The following RAI1 variants were observed in gnomAD, a reference collection of about 807,000 sequenced individuals.
RAI1 encodes the protein retinoic acid-induced protein 1.
A neutral mutation model predicts 123.8 loss-of-function variants in RAI1; 9 were observed. The ratio of observed to expected loss-of-function variants is 0.07; its 90% CI spans 0.04 to 0.13. RAI1 has a LOEUF of 0.13. Ranked by LOEUF, RAI1 falls within the 10% of genes least tolerant of loss-of-function variation. The probability of loss-of-function intolerance (pLI) is 1.00; values close to 1 mark genes in which losing one functional copy is unlikely to be tolerated. For missense variants in RAI1, 2,256 were observed against 2,545.8 expected (o/e 0.89, Z 2.45); for synonymous variants, 1,231 against 1,127.3 (o/e 1.09, Z -1.84).
At chr17:17,731,569 C>G (rs1916273396) in intron 2 of RAI1, among the ~76,000 whole-genome samples, 1 of 152,146 alleles carries the variant, frequency 6.6e-6, no homozygotes, top group Non-Finnish European at 1.5e-5. Flanking sequence ...GGAGCAAAGT[C>G]TCGGCAGTGG....
At chr17:17,688,608 T>G (rs991891802) in intron 1 of RAI1, among the ~76,000 whole-genome samples, 17 of 152,246 alleles carry the variant, frequency 1.1e-4, no homozygotes, top group African/African-American at 4.1e-4. Context: ...TGTTTGTTTG[T>G]TTTTTGAGAT....
At chr17:17,783,357 G>A (rs2031683629) in intron 2 of RAI1, among the ~76,000 whole-genome samples, 1 of 152,184 alleles carries the variant, frequency 6.6e-6, no homozygotes, top group South Asian at 2.1e-4. Context: ...CGGAGGCGGC[G>A]GCGCGGCGTC....
rs539470344 is a variant in RAI1, at chr17:17,800,003, C to T, written c.5565+1490C>T. ...GCTGGAGACCTTCTCCACGCCCAGACGCCCTGCCCACCTCACTCCACCCTC... is the reference window on the plus strand; with the variant it reads ...GCTGGAGACCTTCTCCACGCCCAGATGCCCTGCCCACCTCACTCCACCCTC... On this transcript the variant is annotated intron_variant, in intron 3 of 5. Transcript: ENST00000353383. The surrounding 1 kb of genome is among the most constrained non-coding windows in gnomAD (Gnocchi z 4.7). Among the ~76,000 whole-genome samples, 4 of 152,254 alleles carry T rather than the reference C, an allele frequency of 2.6e-5. No homozygotes were observed. In the East Asian group the frequency reaches 5.8e-4, roughly 22 times the overall value.
At chr17:17,688,016 A>G (rs1389308177) in intron 1 of RAI1, among the ~76,000 whole-genome samples, 5 of 82,946 alleles carry the variant, frequency 6.0e-5, no homozygotes, top group Admixed American at 1.4e-4. Context: ...GGTGAAGGAG[A>G]CTCTGTCTCA....
At chr17:17,772,131 G>T (rs2031184420) in intron 2 of RAI1, among the ~76,000 whole-genome samples, 1 of 152,206 alleles carries the variant, frequency 6.6e-6, no homozygotes, top group African/African-American at 2.4e-5. Flanking sequence ...ATGTACGGGA[G>T]GTTGGGTGAG....
At chr17:17,758,888 G>T (rs2030564034) in intron 2 of RAI1, among the ~76,000 whole-genome samples, 1 of 152,216 alleles carries the variant, frequency 6.6e-6, no homozygotes, top group Non-Finnish European at 1.5e-5. Flanking sequence ...CAGCTGACAG[G>T]TGGATTACAG....
chr17:17,795,459 G>C lies in RAI1; in HGVS notation c.2511G>C (p.Trp837Cys). 1 of 1,586,968 alleles carries C rather than the reference G, an allele frequency of 6.3e-7. No homozygotes were observed. The highest frequency in any genetic ancestry group is 1.3e-5 in the African/African-American group (1 of 74,704). Residue 837 changes from tryptophan to cysteine, a missense_variant, in exon 3 of 6, where the codon TGG becomes TGC. By Grantham distance (215) the Trp-to-Cys change is radical (BLOSUM62 -2). This residue lies in a region of RAI1 where 566 missense variants were observed against 616.0 expected (regional missense o/e 0.92). Transcript: ENST00000353383. The surrounding 1 kb of genome is among the most constrained non-coding windows in gnomAD (Gnocchi z 5.9). Reference protein sequence around the residue: ...QCPEVAKADRWLEDSRHCCST... With the variant: ...QCPEVAKADRCLEDSRHCCST... Reference sequence around the variant, plus strand: ...CCGAGGTGGCCAAGGCTGACCGGTGGCTGGAGGACAGCCGGCACTGCTGTT... The same window carrying C: ...CCGAGGTGGCCAAGGCTGACCGGTGCCTGGAGGACAGCCGGCACTGCTGTT...
rs1407505001 is a variant in RAI1, at chr17:17,800,180, G to GTGTCTCTCTCTCTCTCTCTCTCTCTC, written c.5565+1668_5565+1669insGTCTCTCTCTCTCTCTCTCTCTCTCT. ...TCTCTCCTGCTTTCTGTCTCTCTCT[G>GTGTCTCTCTCTCTCTCTCTCTCTCTC]TCTCTCTCTCTCTCTCTCTCTCTCT... is the stretch of plus-strand genomic sequence containing the variant. On this transcript the variant is annotated intron_variant, in intron 3 of 5. Coordinates refer to ENST00000353383, the MANE Select transcript of RAI1 (RefSeq NM_030665.4). The surrounding 1 kb of genome is among the most constrained non-coding windows in gnomAD (Gnocchi z 4.7). Among the ~76,000 whole-genome samples the GTGTCTCTCTCTCTCTCTCTCTCTCTC allele has an allele frequency of 1.7e-5, 2 of 116,400 alleles. No homozygotes were observed. The highest frequency in any genetic ancestry group is 6.0e-5 in the African/African-American group (2 of 33,446). 76.4% of individuals were successfully genotyped at this position (116,400 alleles called of 152,430 possible).
In RAI1 at chr17:17,681,687, G is replaced by A. The variant is rs1024110201; in HGVS notation, c.-255G>A. On this transcript the variant is annotated 5_prime_UTR_variant, in exon 1 of 6. Coordinates refer to ENST00000353383, the MANE Select transcript of RAI1 (RefSeq NM_030665.4). ...GGCCCACCCTCCTTCCTGCCTGGCC[G>A]CGGGCCGGCCGGGCCGCCGCGCCCC... 38 of 281,536 alleles carry A rather than the reference G, an allele frequency of 1.3e-4. No individual in the cohort carries two copies. The highest frequency in any genetic ancestry group is 8.4e-4 in the African/African-American group (37 of 44,058). 17.4% of individuals were successfully genotyped at this position (281,536 alleles called of 1,614,324 possible).
At chr17:17,752,834 C>T (rs1196755910) in intron 2 of RAI1, among the ~76,000 whole-genome samples, 1 of 152,192 alleles carries the variant, frequency 6.6e-6, no homozygotes, top group Admixed American at 6.5e-5. Context: ...CTGCCTGGCA[C>T]TCCTCTGCCC....
chr17:17,803,292 G>C (rs1214527192), intron 3 of RAI1, among the ~76,000 whole-genome samples: 1 of 152,134 alleles, frequency 6.6e-6, no homozygotes, highest in Non-Finnish European at 1.5e-5. Flanking sequence ...CCCCAGTGCT[G>C]AACCTCCTTC....
intron 1 of RAI1, among the ~76,000 whole-genome samples, chr17:17,682,228 G>A (rs566334346): frequency 6.6e-6 from 1 of 152,212 alleles, no homozygotes; most frequent in African/African-American, 2.4e-5. Context: ...TGGGGGACGG[G>A]GAGCTGACTT....
chr17:17,734,360 C>A (rs1015532487), intron 2 of RAI1, among the ~76,000 whole-genome samples: 2 of 152,030 alleles, frequency 1.3e-5, no homozygotes, highest in African/African-American at 4.8e-5. Flanking sequence ...GGGAGGAACA[C>A]CTGAGCCCGG....
chr17:17,796,542 G>T lies in RAI1; in HGVS notation c.3594G>T (p.Arg1198Ser), dbSNP rs2032257286. ...CCAGCAGCCCCCAGAAGGAGGGCAG[G>T]GTGAGCCAGCGGGCAAGGGTCCCCA... ...KVSSSPQKEG[R>S]VSQRARVPKP... is the part of the protein sequence containing the mutation. Residue 1198 changes from arginine to serine, a missense_variant, in exon 3 of 6, where the codon AGG becomes AGT. Coordinates refer to ENST00000353383, the MANE Select transcript of RAI1 (RefSeq NM_030665.4). The surrounding 1 kb of genome is among the most constrained non-coding windows in gnomAD (Gnocchi z 5.8). 1 of 1,611,144 alleles carries T rather than the reference G, an allele frequency of 6.2e-7. No homozygotes were observed.
chr17:17,810,216 C>G lies in RAI1; in HGVS notation c.*235C>G. 1.6e-6 allele frequency: 1 copy of G among 613,096 alleles called. No homozygotes were observed. Among genetic ancestry groups the G allele is most frequent in the South Asian group, 2.2e-5 (1 of 46,034 alleles). The allele number at this position is 613,096 out of a possible 1,614,324, so 38.0% of individuals were successfully genotyped here. On this transcript the variant is annotated 3_prime_UTR_variant, in exon 6 of 6. Transcript: ENST00000353383. The surrounding 1 kb of genome is among the most constrained non-coding windows in gnomAD (Gnocchi z 4.6). Reference sequence around the variant, plus strand: ...CGCCTGCTCCCGGAACCGGACGGCACAGGGCGTTCTTGCCCACCCCAGGGG... The same window carrying G: ...CGCCTGCTCCCGGAACCGGACGGCAGAGGGCGTTCTTGCCCACCCCAGGGG...
intron 1 of RAI1, among the ~76,000 whole-genome samples, chr17:17,722,943 C>T (rs1391172305): frequency 2.6e-5 from 4 of 152,232 alleles, no homozygotes; most frequent in East Asian, 1.9e-4. Context: ...CGATCCCCGA[C>T]GCCAGGAGGA....
intron 2 of RAI1, among the ~76,000 whole-genome samples, chr17:17,732,915 A>G (rs551941630): frequency 4.6e-5 from 7 of 152,312 alleles, no homozygotes; most frequent in East Asian, 1.9e-4. Context: ...TCCTCTGGCA[A>G]TGCCCCCAGG....
chr17:17,798,860 G>A (rs756166757), intron 3 of RAI1, among the ~76,000 whole-genome samples: 2 of 152,210 alleles, frequency 1.3e-5, no homozygotes, highest in Non-Finnish European at 2.9e-5. Context: ...CCAAGGCCCA[G>A]AGAACACGAG....
chr17:17,798,739 C>A (rs1015269570), intron 3 of RAI1, among the ~76,000 whole-genome samples: 1 of 152,106 alleles, frequency 6.6e-6, no homozygotes, highest in Non-Finnish European at 1.5e-5. Context: ...GGAGACTTCC[C>A]GCCGGGGCCC....
Sources: allele counts gnomAD v4.1 joint callset (sites outside exome capture counted in the v4.1 genomes callset), GRCh38; gene constraint gnomAD v4.1.1; regional missense constraint gnomAD v4.1.1; non-coding constraint Gnocchi (gnomAD v3.1); transcripts MANE v1.5; gene names NCBI Gene and HGNC (gene_info 2026-07-23, HGNC 2026-07-21).